The following BMP1 variants were observed in gnomAD, a reference collection of about 807,000 sequenced individuals.
BMP1 encodes the protein mammalian tolloid protein.
BMP1 carries 63 observed loss-of-function variants against 116.8 expected under a neutral mutation model. That is an observed-to-expected ratio of 0.54 (90% CI 0.44 to 0.67). The LOEUF (loss-of-function observed/expected upper bound fraction) is 0.67, where lower values mean the gene tolerates loss of function less well. Ranked by LOEUF, BMP1 falls within the 30% of genes least tolerant of loss-of-function variation. The pLI is 0.00. For missense variants in BMP1, 1,183 were observed against 1,358.9 expected (o/e 0.87, Z 2.04); for synonymous variants, 536 against 533.4 (o/e 1.00, Z -0.07).
intron 4 of BMP1, 41 bp from the exon 5 acceptor site, chr8:22,176,920 C>A (rs1265280340): frequency 1.3e-6 from 2 of 1,553,918 alleles, no homozygotes; most frequent in South Asian, 1.2e-5. Flanking sequence ...ATGCACTCCC[C>A]CAGCTCGGGA....
chr8:22,190,886 C>T (rs1306672488), intron 8 of BMP1, among the ~76,000 whole-genome samples: 2 of 152,190 alleles, frequency 1.3e-5, no homozygotes, highest in Non-Finnish European at 2.9e-5. Context: ...CTGAAACCAT[C>T]GAGTGTCCGC....
At chr8:22,173,258 C>T (rs1828333011) in intron 1 of BMP1, among the ~76,000 whole-genome samples, 1 of 152,106 alleles carries the variant, frequency 6.6e-6, no homozygotes, top group Admixed American at 6.5e-5. Flanking sequence ...TTGAGACCAG[C>T]CTGGGCAACA....
At chr8:22,178,951 G>A (rs1828532912) in intron 6 of BMP1, among the ~76,000 whole-genome samples, 1 of 152,088 alleles carries the variant, frequency 6.6e-6, no homozygotes, top group Non-Finnish European at 1.5e-5. Flanking sequence ...AAGGAAGGGT[G>A]GTGAGGTCAT....
chr8:22,176,164 C>A lies in BMP1; in HGVS notation c.284C>A (p.Pro95His). ...KAAVPGNTST[P>H]SCQSTNGQPQ... ...TCAGTTCCAGGAAACACTTCTACCC[C>A]CAGCTGCCAGAGCACCAACGGGCAG... Residue 95 changes from proline (P) to histidine (H), a missense_variant, in exon 3 of 20, where the codon CCC (proline) becomes CAC (histidine). Pro to His is a moderately conservative substitution (Grantham distance 77, BLOSUM62 -2). This residue lies in a region of BMP1 where 185 missense variants were observed against 158.9 expected (regional missense o/e 1.16). Coordinates refer to ENST00000306385, the MANE Select transcript of BMP1 (RefSeq NM_006129.5). 1 of 1,614,162 alleles carries A rather than the reference C, an allele frequency of 6.2e-7. No homozygotes were observed. The highest frequency in any genetic ancestry group is 8.5e-7 in the Non-Finnish European group (1 of 1,180,040).
At chr8:22,185,233 C>T (rs1448743306) in intron 8 of BMP1, among the ~76,000 whole-genome samples, 1 of 152,108 alleles carries the variant, frequency 6.6e-6, no homozygotes, top group African/African-American at 2.4e-5. Context: ...GGGTGGATCA[C>T]TTGAGGTCAG....
In BMP1 at chr8:22,194,312, G is replaced by A; in HGVS notation, c.1298-133G>A. On this transcript the variant is annotated intron_variant, in intron 10 of 19. Transcript: ENST00000306385. The surrounding 1 kb of genome is among the most constrained non-coding windows in gnomAD (Gnocchi z 4.5). Reference sequence around the variant, plus strand: ...CAGAGAGAATGATGGGATTGCCTGGGACTGGGGGTTTGGTGGGGAACTGAA... The same window carrying A: ...CAGAGAGAATGATGGGATTGCCTGGAACTGGGGGTTTGGTGGGGAACTGAA... The A allele has an allele frequency of 1.4e-6, 2 of 1,458,660 alleles. No homozygotes were observed. The highest frequency in any genetic ancestry group is 1.9e-6 in the Non-Finnish European group (2 of 1,057,564). The allele number at this position is 1,458,660 out of a possible 1,614,324, so 90.4% of individuals were successfully genotyped here. A position where few individuals can be genotyped will look rare whatever the true frequency, so the allele number is the denominator to read the frequency against.
In BMP1 at chr8:22,192,161, C is replaced by T; in HGVS notation, c.1180+10C>T. 6.2e-7 allele frequency: 1 copy of T among 1,604,924 alleles called. No homozygotes were observed. Among genetic ancestry groups the T allele is most frequent in the Non-Finnish European group, 8.5e-7 (1 of 1,172,826 alleles). On this transcript the variant is annotated intron_variant, in intron 9 of 19. Transcript: ENST00000306385. ...AAGGCGCCCCTCCGAGGTAACGGCA[C>T]CAGCCACCCCCTGCCCCCTCCATGC...
intron 5 of BMP1, 130 bp from the exon 6 acceptor site, chr8:22,177,722 C>A: frequency 1.3e-6 from 1 of 793,256 alleles, no homozygotes. Context: ...GGCTGCTCCC[C>A]GGACCCTCAG....
rs545028297 is a variant in BMP1 at position 22,180,895 on chromosome 8, C to T, written c.1077+412C>T. On this transcript the variant is annotated intron_variant, in intron 8 of 19. Transcript: ENST00000306385. ...CAAGGACTGAGGTGGGACTGGAGCT[C>T]TTCTCAGGTCTGGGTTCCCTTGGAT... 5.9e-5 allele frequency among the ~76,000 whole-genome samples: 9 copies of T among 152,300 alleles called. No individual in the cohort carries two copies. In the South Asian group the frequency reaches 1.9e-3, roughly 32 times the overall value.
At chr8:22,188,590 A>T (rs1270845664) in intron 8 of BMP1, among the ~76,000 whole-genome samples, 1 of 152,246 alleles carries the variant, frequency 6.6e-6, no homozygotes, top group East Asian at 1.9e-4. Flanking sequence ...TGCCCCTGCC[A>T]CCAGAGCACA....
intron 16 of BMP1, among the ~76,000 whole-genome samples, chr8:22,204,149 G>C (rs73225870): frequency 3.9e-4 from 60 of 152,300 alleles, no homozygotes; most frequent in Non-Finnish European, 6.9e-4. Flanking sequence ...AGACATGGGC[G>C]TGCAAGGAAC....
chr8:22,181,012 T>C (rs1306909295), intron 8 of BMP1, among the ~76,000 whole-genome samples: 2 of 152,224 alleles, frequency 1.3e-5, no homozygotes, highest in Non-Finnish European at 2.9e-5. Flanking sequence ...TGACAGGCTC[T>C]AGTCCTGGGA....
At chr8:22,176,117 C>T (rs746753279) in intron 2 of BMP1, 26 bp from the exon 3 acceptor site, 10 of 1,611,554 alleles carry the variant, frequency 6.2e-6, no homozygotes, top group Non-Finnish European at 8.5e-6. Flanking sequence ...TCTCCACTCA[C>T]TAGTCACCAT....
At position 22,176,136 on chromosome 8, in the gene BMP1, C is replaced by A; in HGVS notation, c.263-7C>A. The A allele has an allele frequency of 6.2e-7, 1 of 1,613,922 alleles. No individual in the cohort carries two copies. Among genetic ancestry groups the A allele is most frequent in the Non-Finnish European group, 8.5e-7 (1 of 1,179,924 alleles). ...CACTCACTAGTCACCATGACTTCCTCTCTCAGTTCCAGGAAACACTTCTAC... is the reference window on the plus strand; with the variant it reads ...CACTCACTAGTCACCATGACTTCCTATCTCAGTTCCAGGAAACACTTCTAC... On this transcript the variant is annotated splice_region_variant and splice_polypyrimidine_tract_variant and intron_variant, in intron 2 of 19. Transcript: ENST00000306385.
chr8:22,189,985 A>T (rs932726222), intron 8 of BMP1, among the ~76,000 whole-genome samples: 1 of 152,064 alleles, frequency 6.6e-6, no homozygotes, highest in Non-Finnish European at 1.5e-5. Context: ...CAGTGGCATG[A>T]TCTAGGCTCA....
intron 9 of BMP1, among the ~76,000 whole-genome samples, chr8:22,192,699 A>G (rs1430492581): frequency 6.6e-6 from 1 of 152,170 alleles, no homozygotes; most frequent in Non-Finnish European, 1.5e-5. Flanking sequence ...GGTAGGGGGC[A>G]GGAGGTGAGT....
At chr8:22,196,568 T>C in intron 13 of BMP1, 112 bp from the exon 14 acceptor site, 1 of 1,518,150 alleles carries the variant, frequency 6.6e-7, no homozygotes, top group Non-Finnish European at 9.0e-7. Flanking sequence ...CCCTGAGCCT[T>C]GGGGAGTCCA....
chr8:22,176,504 T>C (rs1471449881), intron 3 of BMP1, 29 bp from the exon 4 acceptor site: 2 of 1,609,906 alleles, frequency 1.2e-6, no homozygotes, highest in South Asian at 1.1e-5. Flanking sequence ...CTGGACACCG[T>C]GGCAACCTGG....
At chr8:22,204,866 A>T (rs1393665028) in intron 16 of BMP1, among the ~76,000 whole-genome samples, 3 of 152,186 alleles carry the variant, frequency 2.0e-5, no homozygotes, top group African/African-American at 7.2e-5. Flanking sequence ...AGCTGGAAAC[A>T]AAAGGAGAGC....
Sources: allele counts gnomAD v4.1 joint callset (sites outside exome capture counted in the v4.1 genomes callset), GRCh38; gene constraint gnomAD v4.1.1; regional missense constraint gnomAD v4.1.1; non-coding constraint Gnocchi (gnomAD v3.1); transcripts MANE v1.5; gene names NCBI Gene and HGNC (gene_info 2026-07-23, HGNC 2026-07-21).